RPS6KB1: variants seen among roughly 807,000 people sequenced by gnomAD.
RPS6KB1 encodes ribosomal protein S6 kinase B1.
Under a neutral mutation model 70.2 loss-of-function variants are expected in RPS6KB1, and 12 were observed. The ratio of observed to expected loss-of-function variants is 0.17; its 90% CI spans 0.11 to 0.28. The LOEUF is 0.28. Among genes scored for constraint, RPS6KB1 ranks in the 10% least tolerant of loss-of-function variants. RPS6KB1 has a pLI of 1.00. For synonymous variants in RPS6KB1, 175 were observed against 211.2 expected, an observed-to-expected ratio of 0.83 and a Z score of 1.49; for missense variants, 270 against 646.6, an observed-to-expected ratio of 0.42 and a Z score of 6.32.
chr17:59,895,654 A>G (rs1031268302), intron 1 of RPS6KB1, among the ~76,000 whole-genome samples: 2 of 148,842 alleles, frequency 1.3e-5, no homozygotes, highest in Non-Finnish European at 3.0e-5. Flanking sequence ...TTTTTTTGAG[A>G]TGGAGTCTCA....
intron 4 of RPS6KB1, among the ~76,000 whole-genome samples, chr17:59,920,989 C>T (rs1232108339): frequency 6.6e-6 from 1 of 152,232 alleles, no homozygotes; most frequent in Non-Finnish European, 1.5e-5. Flanking sequence ...TGAGCCACTG[C>T]GCCCAGCCTC....
At chr17:59,939,395 C>G (rs957413447) in intron 12 of RPS6KB1, among the ~76,000 whole-genome samples, 7 of 152,142 alleles carry the variant, frequency 4.6e-5, no homozygotes, top group African/African-American at 1.7e-4. Flanking sequence ...AATCCTCCCA[C>G]CTCACCCTCT....
At chr17:59,910,018 T>A (rs1056646749) in intron 1 of RPS6KB1, among the ~76,000 whole-genome samples, 19 of 147,166 alleles carry the variant, frequency 1.3e-4, no homozygotes, top group Middle Eastern at 3.5e-3. Context: ...TCTCAAAAAA[T>A]ATATATATAT....
chr17:59,933,128 T>G (rs1842673664), intron 7 of RPS6KB1, among the ~76,000 whole-genome samples: 1 of 152,074 alleles, frequency 6.6e-6, no homozygotes, highest in Non-Finnish European at 1.5e-5. Context: ...AGTTAATTGT[T>G]TCAAACTCTT....
intron 12 of RPS6KB1, among the ~76,000 whole-genome samples, chr17:59,940,294 T>A (rs1157121479): frequency 2.1e-5 from 3 of 145,860 alleles, no homozygotes; most frequent in Non-Finnish European, 3.0e-5. Flanking sequence ...TTTTTTTTTT[T>A]TTTTTTTATT....
At chr17:59,941,162 A>G (rs1166004545) in intron 13 of RPS6KB1, among the ~76,000 whole-genome samples, 1 of 152,058 alleles carries the variant, frequency 6.6e-6, no homozygotes, top group African/African-American at 2.4e-5. Flanking sequence ...GGAATGTACA[A>G]ATCTTTGGAA....
rs2144626891 is a variant in RPS6KB1 at position 59,893,986 on chromosome 17, A to G, written c.141+661A>G. ...GTGTGACTTTTTAAAATAAGCATTT[A>G]TAAGGACACACGGCACTTGTAACCT... On this transcript the variant is annotated intron_variant, in intron 1 of 14. Coordinates refer to ENST00000225577, the MANE Select transcript of RPS6KB1 (RefSeq NM_003161.4). This position sits in a 1 kb window ranked among gnomAD's most constrained non-coding sequence, Gnocchi z 4.1. The G allele has an allele frequency of 2.1e-6, 2 of 949,268 alleles. No homozygotes were observed. Among genetic ancestry groups the G allele is most frequent in the South Asian group, 4.9e-5 (1 of 20,514 alleles). The allele number at this position is 949,268 out of a possible 1,614,324, so 58.8% of individuals were successfully genotyped here.
At chr17:59,913,619 C>T (rs1028781440) in intron 3 of RPS6KB1, 1 of 152,058 alleles carries the variant, frequency 6.6e-6, no homozygotes, top group South Asian at 2.1e-4. Flanking sequence ...CAAAATCTGC[C>T]GACGCTCAAG....
chr17:59,942,146 C>CTG (rs1462555343), intron 13 of RPS6KB1, among the ~76,000 whole-genome samples: 1 of 152,200 alleles, frequency 6.6e-6, no homozygotes, highest in African/African-American at 2.4e-5. Context: ...GCGTAAGCCA[C>CTG]CACGCCCAGT....
At position 59,914,626 on chromosome 17, in the gene RPS6KB1, T is replaced by G. The variant is rs758415010; in HGVS notation, c.313-9T>G. On this transcript the variant is annotated splice_polypyrimidine_tract_variant and intron_variant, in intron 3 of 14. Transcript: ENST00000225577. ...GCCTTTGAATAACACACACTTTTTTTTAATCCAGGTTTTTCAAGTACGAAA... is the reference window on the plus strand; with the variant it reads ...GCCTTTGAATAACACACACTTTTTTGTAATCCAGGTTTTTCAAGTACGAAA... 2 of 1,610,744 alleles carry G rather than the reference T, an allele frequency of 1.2e-6. No individual in the cohort carries two copies. The highest frequency in any genetic ancestry group is 2.2e-5 in the South Asian group (2 of 90,688).
chr17:59,927,200 C>T (rs1342202247), intron 5 of RPS6KB1, among the ~76,000 whole-genome samples: 1 of 152,090 alleles, frequency 6.6e-6, no homozygotes, highest in African/African-American at 2.4e-5. Flanking sequence ...TCTCCTGCCT[C>T]AGCCTCCCGA....
chr17:59,893,231 T>A lies in RPS6KB1; in HGVS notation c.47T>A (p.Phe16Tyr). 1.2e-6 allele frequency: 2 copies of A among 1,612,386 alleles called. No homozygotes were observed. Among genetic ancestry groups the A allele is most frequent in the Non-Finnish European group, 1.7e-6 (2 of 1,179,394 alleles). ...GACGGCTTTTACCCAGCCCCGGACT[T>A]CCGAGACAGGGAAGCTGAGGACATG... ...RRDGFYPAPD[F>Y]RDREAEDMAG... The change falls in exon 1 of 15, where the codon TTC becomes TAC. Residue 16 changes from phenylalanine (F) to tyrosine (Y), a missense_variant. Around this residue, in one of 4 missense-constraint regions of RPS6KB1, gnomAD observed 72 missense variants for 93.4 expected, o/e 0.77. Transcript: ENST00000225577. The surrounding 1 kb of genome is among the most constrained non-coding windows in gnomAD (Gnocchi z 4.1).
Position 59,940,997 on chromosome 17 carries a change from T to C in RPS6KB1, c.1227+54T>C, listed in dbSNP as rs527594177. On this transcript the variant is annotated intron_variant, in intron 13 of 14. Coordinates refer to ENST00000225577, the MANE Select transcript of RPS6KB1 (RefSeq NM_003161.4). ...GGGAAATTTTAGTGTGAGGATGGGC[T>C]CTTCAAAGAAAATTCAGTTTGCTTG... is the stretch of plus-strand genomic sequence containing the variant. The C allele has an allele frequency of 2.6e-3, 2,898 of 1,116,368 alleles. 9 individuals are homozygous for C. The highest frequency in any genetic ancestry group is 3.5e-3 in the Non-Finnish European group (2,661 of 754,254). The allele number at this position is 1,116,368 out of a possible 1,614,324, so 69.2% of individuals were successfully genotyped here.
At chr17:59,903,387 A>G (rs1279695540) in intron 1 of RPS6KB1, among the ~76,000 whole-genome samples, 1 of 151,714 alleles carries the variant, frequency 6.6e-6, no homozygotes, top group Non-Finnish European at 1.5e-5. Context: ...AAGTGGGAGG[A>G]TCACCTGAGT....
At position 59,914,507 on chromosome 17, in the gene RPS6KB1, G is replaced by A. The variant is rs117721353; in HGVS notation, c.313-128G>A. ...ATCATTAATGTGGTCTGTTCTTTTA[G>A]CTGATCATTTTTGCACATAGTTTTT... On this transcript the variant is annotated intron_variant, in intron 3 of 14. Coordinates refer to ENST00000225577, the MANE Select transcript of RPS6KB1 (RefSeq NM_003161.4). 2.3e-3 allele frequency: 1,665 copies of A among 736,894 alleles called. 3 individuals are homozygous for A. Among genetic ancestry groups the A allele is most frequent in the Non-Finnish European group, 3.5e-3 (1,483 of 418,656 alleles). 45.6% of individuals were successfully genotyped at this position (736,894 alleles called of 1,614,324 possible).
chr17:59,899,992 C>A (rs1173080818), intron 1 of RPS6KB1, among the ~76,000 whole-genome samples: 1 of 151,828 alleles, frequency 6.6e-6, no homozygotes, highest in South Asian at 2.1e-4. Context: ...AAACAAGACC[C>A]TATCTGTACA....
At chr17:59,900,581 G>A (rs2645481) in intron 1 of RPS6KB1, among the ~76,000 whole-genome samples, 25,426 of 151,818 alleles carry the variant, frequency 0.17, 2,453 homozygotes, top group East Asian at 0.39. Flanking sequence ...GGCCAGGCTG[G>A]TCTCGAACTC....
In RPS6KB1 at chr17:59,949,754, G is replaced by A. The variant is rs749784435; in HGVS notation, c.*2966G>A. ...GATAGAAGATAATTTGTGGGCAGGG[G>A]TGGAGGATGCATGTATGATACTCCA... On this transcript the variant is annotated 3_prime_UTR_variant, in exon 15 of 15. Transcript: ENST00000225577. 3.3e-5 allele frequency: 5 copies of A among 152,304 alleles called. No individual in the cohort carries two copies. The highest frequency in any genetic ancestry group is 1.9e-4 in the East Asian group (1 of 5,186). The allele number at this position is 152,304 out of a possible 1,614,324, so 9.4% of individuals were successfully genotyped here. A position where few individuals can be genotyped will look rare whatever the true frequency, so the allele number is the denominator to read the frequency against.
At chr17:59,918,622 G>A (rs2043098532) in intron 4 of RPS6KB1, among the ~76,000 whole-genome samples, 3 of 151,810 alleles carry the variant, frequency 2.0e-5, no homozygotes, top group Admixed American at 6.6e-5. Flanking sequence ...CGTCCACCTC[G>A]GCATCCCAAA....
Sources: allele counts gnomAD v4.1 joint callset (sites outside exome capture counted in the v4.1 genomes callset), GRCh38; gene constraint gnomAD v4.1.1; regional missense constraint gnomAD v4.1.1; non-coding constraint Gnocchi (gnomAD v3.1); transcripts MANE v1.5; gene names NCBI Gene and HGNC (gene_info 2026-07-23, HGNC 2026-07-21).